Variants in PIK3AP1 observed in about 807,000 individuals in gnomAD.
The protein encoded by PIK3AP1 is phosphoinositide-3-kinase adaptor protein 1.
A neutral mutation model predicts 88.1 loss-of-function variants in PIK3AP1; 21 were observed. The ratio of observed to expected loss-of-function variants is 0.24; its 90% CI spans 0.17 to 0.34. The LOEUF (loss-of-function observed/expected upper bound fraction) is 0.34. Among genes scored for constraint, PIK3AP1 ranks in the 10% least tolerant of loss-of-function variants. The probability of loss-of-function intolerance (pLI) is 1.00; values close to 1 mark genes in which losing one functional copy is unlikely to be tolerated. For missense variants in PIK3AP1, 828 were observed against 1,035.7 expected (o/e 0.80, Z 2.75); for synonymous variants, 398 against 400.0 (o/e 1.00, Z 0.06).
chr10:96,661,508 G>T (rs1303506379), intron 2 of PIK3AP1, among the ~76,000 whole-genome samples: 1 of 152,202 alleles, frequency 6.6e-6, no homozygotes, highest in African/African-American at 2.4e-5. Context: ...TCTGGTGCTG[G>T]ATGTTGATGG....
intron 6 of PIK3AP1, among the ~76,000 whole-genome samples, 177 bp downstream of exon 6, chr10:96,651,071 G>A (rs1012432683): frequency 1.3e-5 from 2 of 152,220 alleles, no homozygotes; most frequent in Non-Finnish European, 2.9e-5. Flanking sequence ...ATTCAGATTT[G>A]CAATTGAGAA....
chr10:96,644,890 G>T (rs999127370), intron 8 of PIK3AP1, among the ~76,000 whole-genome samples: 1 of 151,886 alleles, frequency 6.6e-6, no homozygotes, highest in African/African-American at 2.4e-5. Flanking sequence ...GAAAATCCAG[G>T]TGCCAATGCC....
In PIK3AP1 at chr10:96,623,557, C is replaced by T. The variant is rs1399986819; in HGVS notation, c.1670-20G>A. The T allele has an allele frequency of 1.9e-6, 3 of 1,570,814 alleles. No homozygotes were observed. Among genetic ancestry groups the T allele is most frequent in the African/African-American group, 2.7e-5 (2 of 73,844 alleles). On this transcript the variant is annotated intron_variant, in intron 10 of 16. Transcript: ENST00000339364. ...CAAAAACTATGAGATAAAGAATATTCTGATTACTGAAAAAGTATCAAAATC... is the reference window on the plus strand; with the variant it reads ...CAAAAACTATGAGATAAAGAATATTTTGATTACTGAAAAAGTATCAAAATC...
chr10:96,672,930 G>A (rs961189137), intron 2 of PIK3AP1, among the ~76,000 whole-genome samples: 4 of 152,224 alleles, frequency 2.6e-5, no homozygotes, highest in African/African-American at 7.2e-5. Context: ...CCAGGCACAT[G>A]TGACAGAGAT....
At position 96,638,666 on chromosome 10, in the gene PIK3AP1, T is replaced by G. The variant is rs955055610; in HGVS notation, c.1375+6807A>C. ...TGGCAAGCACAAAGACCCTCTGCCA[T>G]GCAGGAGTGAGTCTATGGGATGCAT... is the stretch of plus-strand genomic sequence containing the variant. On this transcript the variant is annotated intron_variant, in intron 8 of 16. Coordinates refer to ENST00000339364, the MANE Select transcript of PIK3AP1 (RefSeq NM_152309.3). Among the ~76,000 whole-genome samples, 3 of 152,230 alleles carry G rather than the reference T, an allele frequency of 2.0e-5. No homozygotes were observed. In the South Asian group the frequency reaches 6.2e-4, roughly 32 times the overall value.
intron 2 of PIK3AP1, among the ~76,000 whole-genome samples, chr10:96,682,280 T>C (rs76788915): frequency 2.7e-5 from 4 of 148,940 alleles, no homozygotes; most frequent in African/African-American, 7.6e-5. Context: ...CCTCTGCTGA[T>C]TTTTTTTTTC....
intron 2 of PIK3AP1, among the ~76,000 whole-genome samples, chr10:96,706,901 T>C (rs1251512048): frequency 6.6e-6 from 1 of 152,174 alleles, no homozygotes; most frequent in Non-Finnish European, 1.5e-5. Context: ...AATCCCCAAA[T>C]TCACAAACCT....
At chr10:96,653,774 C>A (rs1379014857) in intron 3 of PIK3AP1, among the ~76,000 whole-genome samples, 1 of 152,156 alleles carries the variant, frequency 6.6e-6, no homozygotes, top group Non-Finnish European at 1.5e-5. Flanking sequence ...AGGCGTGAAC[C>A]ACCGCGCCTG....
rs1844190158 is a variant in PIK3AP1 at position 96,694,160 on chromosome 10, AC to A, written c.430+15406del. On this transcript the variant is annotated intron_variant, in intron 2 of 16. Coordinates refer to ENST00000339364, the MANE Select transcript of PIK3AP1 (RefSeq NM_152309.3). Reference sequence around the variant, plus strand: ...ATGATTCAAAGGGAGCATCCTTCATACCTCTGGATACTCCTGGCATTAAGTA... The same window carrying A: ...ATGATTCAAAGGGAGCATCCTTCATACTCTGGATACTCCTGGCATTAAGTA... Among the ~76,000 whole-genome samples the A allele has an allele frequency of 2.0e-5, 3 of 152,172 alleles. No homozygotes were observed. The South Asian group carries it at 6.2e-4, about 32-fold the overall frequency.
chr10:96,682,065 A>G (rs977435992), intron 2 of PIK3AP1, among the ~76,000 whole-genome samples: 7 of 151,988 alleles, frequency 4.6e-5, no homozygotes. Flanking sequence ...TATTAGAGCA[A>G]CTGCACACAA....
chr10:96,625,844 G>C (rs756864330), intron 10 of PIK3AP1, among the ~76,000 whole-genome samples: 5 of 152,124 alleles, frequency 3.3e-5, no homozygotes, highest in African/African-American at 4.8e-5. Context: ...CACCTCCCAG[G>C]CTCAAGCAAT....
chr10:96,704,554 C>T (rs1287647025), intron 2 of PIK3AP1, among the ~76,000 whole-genome samples: 2 of 151,932 alleles, frequency 1.3e-5, no homozygotes, highest in African/African-American at 4.8e-5. Flanking sequence ...CCCATCACTA[C>T]TAAAAATACA....
intron 1 of PIK3AP1, among the ~76,000 whole-genome samples, chr10:96,717,699 A>G (rs1436977801): frequency 6.6e-6 from 1 of 152,164 alleles, no homozygotes; most frequent in African/African-American, 2.4e-5. Context: ...AGAGAGTACT[A>G]GTCTTTCTTC....
chr10:96,617,406 G>T (rs537683750), intron 12 of PIK3AP1, among the ~76,000 whole-genome samples: 4 of 152,214 alleles, frequency 2.6e-5, no homozygotes, highest in Non-Finnish European at 5.9e-5. Context: ...GGCTGGAGCA[G>T]AAGGTTCATG....
intron 2 of PIK3AP1, among the ~76,000 whole-genome samples, chr10:96,680,317 A>G (rs967532825): frequency 6.7e-6 from 1 of 149,682 alleles, no homozygotes; most frequent in African/African-American, 2.4e-5. Context: ...TTTTTTTTTT[A>G]ACTTTTAAGT....
At chr10:96,654,090 C>G (rs529845993) in intron 3 of PIK3AP1, among the ~76,000 whole-genome samples, 1 of 152,272 alleles carries the variant, frequency 6.6e-6, no homozygotes, top group East Asian at 1.9e-4. Flanking sequence ...CTGAGAGAAG[C>G]CCTCCTGGGC....
At chr10:96,622,817 C>T (rs1435998813) in intron 11 of PIK3AP1, among the ~76,000 whole-genome samples, 1 of 152,228 alleles carries the variant, frequency 6.6e-6, no homozygotes, top group Non-Finnish European at 1.5e-5. Flanking sequence ...CTTAGCTCCT[C>T]AAACTTCCTT....
chr10:96,651,530 ATTCGCGGCATTG>A lies in PIK3AP1; in HGVS notation c.822_833del (p.Asn275_Asn278del). ...TTACCTGACACATGAATTCCACAGGATTCGCGGCATTGGACAATAAATTCCCAATTTCTTCCA... is the reference window on the plus strand; with the variant it reads ...TTACCTGACACATGAATTCCACAGGAGACAATAAATTCCCAATTTCTTCCA... On this transcript the variant is annotated inframe_deletion, in exon 5 of 17. Transcript: ENST00000339364. 1 of 1,614,214 alleles carries A rather than the reference ATTCGCGGCATTG, an allele frequency of 6.2e-7. No homozygotes were observed. The highest frequency in any genetic ancestry group is 8.5e-7 in the Non-Finnish European group (1 of 1,180,030).
At chr10:96,708,198 G>T (rs574421563) in intron 2 of PIK3AP1, among the ~76,000 whole-genome samples, 2 of 152,102 alleles carry the variant, frequency 1.3e-5, no homozygotes, top group Non-Finnish European at 2.9e-5. Context: ...CTTTGCTGGC[G>T]TCAGGTATAT....
Sources: allele counts gnomAD v4.1 joint callset (sites outside exome capture counted in the v4.1 genomes callset), GRCh38; gene constraint gnomAD v4.1.1; transcripts MANE v1.5; gene names NCBI Gene and HGNC (gene_info 2026-07-23, HGNC 2026-07-21).